Variants in SOX5 observed in about 807,000 individuals in gnomAD.
SOX5 encodes transcription factor SOX-5.
SOX5 carries 9 observed loss-of-function variants against 92.0 expected under a neutral mutation model. The observed-to-expected ratio is 0.10, with a 90% CI of 0.06 to 0.17. The LOEUF is 0.17. SOX5 is among the 10% of genes least tolerant of loss of function. The pLI, the probability that SOX5 is intolerant of heterozygous loss-of-function variation, is 1.00. For missense variants in SOX5, 642 were observed against 944.5 expected (o/e 0.68, Z 4.20); for synonymous variants, 344 against 336.3 (o/e 1.02, Z -0.25).
intron 4 of SOX5, among the ~76,000 whole-genome samples, chr12:23,963,558 TTAACAACC>T (rs1257292566): frequency 1.3e-5 from 2 of 152,232 alleles, no homozygotes; most frequent in South Asian, 2.1e-4. Context: ...GCAGGTTAAT[TTAACAACC>T]TGACTTTAGA....
intron 4 of SOX5, among the ~76,000 whole-genome samples, chr12:24,144,935 A>C (rs1005450062): frequency 2.0e-5 from 3 of 152,092 alleles, no homozygotes; most frequent in African/African-American, 7.2e-5. Flanking sequence ...CTACAAAAAA[A>C]CTACAAAAAA....
At chr12:24,333,448 C>T (rs796994595) in intron 2 of SOX5, among the ~76,000 whole-genome samples, 6 of 152,034 alleles carry the variant, frequency 3.9e-5, no homozygotes, top group East Asian at 1.9e-4. Flanking sequence ...ATAAACTTAA[C>T]GGGATCTTAA....
chr12:24,384,340 G>A (rs1384551038), intron 1 of SOX5, among the ~76,000 whole-genome samples: 2 of 152,300 alleles, frequency 1.3e-5, no homozygotes, highest in Admixed American at 1.3e-4. Context: ...CTCACCTGCT[G>A]CTCGCCTCCT....
chr12:24,271,595 G>A (rs115505650), intron 3 of SOX5, among the ~76,000 whole-genome samples: 54 of 152,266 alleles, frequency 3.5e-4, no homozygotes, highest in African/African-American at 1.2e-3. Context: ...CTTAGAGTCT[G>A]TCAATATTGT....
At position 23,969,223 on chromosome 12, in the gene SOX5, C is replaced by T. The variant is rs534346827; in HGVS notation, c.-1-73199G>A. On this transcript the variant is annotated intron_variant, in intron 4 of 4. Transcript: ENST00000446891. ...ATCTCGAATCATGTAATTGTCTCTA[C>T]TGTCATTGTCACTGTAAAAGTCCAA... Among the ~76,000 whole-genome samples, 9 of 152,286 alleles carry T rather than the reference C, an allele frequency of 5.9e-5. No homozygotes were observed. The South Asian group carries it at 1.7e-3, about 28-fold the overall frequency.
At chr12:24,349,457 AC>A (rs1953782943) in intron 2 of SOX5, among the ~76,000 whole-genome samples, 1 of 152,160 alleles carries the variant, frequency 6.6e-6, no homozygotes, top group Admixed American at 6.5e-5. Flanking sequence ...CCCCCTGGCA[AC>A]CACCATTCTG....
At chr12:24,292,112 T>C (rs1053810887) in intron 2 of SOX5, among the ~76,000 whole-genome samples, 2 of 152,174 alleles carry the variant, frequency 1.3e-5, no homozygotes, top group Non-Finnish European at 2.9e-5. Context: ...GAAGAAAACA[T>C]GCTAACAGTG....
At chr12:24,320,875 AATAATAATAAT>A (rs1565899554) in intron 2 of SOX5, among the ~76,000 whole-genome samples, 2 of 75,100 alleles carry the variant, frequency 2.7e-5, no homozygotes, top group Non-Finnish European at 6.6e-5. Context: ...AAAAAAAAAT[AATAATAATAAT>A]AATAATAATA....
chr12:23,959,205 A>G (rs2139985902), intron 4 of SOX5, among the ~76,000 whole-genome samples: 2 of 152,060 alleles, frequency 1.3e-5, no homozygotes, highest in South Asian at 4.1e-4. Context: ...GAATAATCAG[A>G]CAAATTTTGC....
At chr12:24,547,573 T>G (rs559192026) in intron 1 of SOX5, among the ~76,000 whole-genome samples, 9 of 152,094 alleles carry the variant, frequency 5.9e-5, no homozygotes, top group East Asian at 5.8e-4. Context: ...AGAAATGGAG[T>G]GGGTATAGTT....
intron 4 of SOX5, among the ~76,000 whole-genome samples, chr12:23,743,580 G>A (rs2093878692): frequency 6.6e-6 from 1 of 152,056 alleles, no homozygotes; most frequent in Admixed American, 6.6e-5. Context: ...AAAGTGCTAG[G>A]ATTCATATTT....
chr12:23,591,269 A>G (rs1951506452), intron 9 of SOX5, among the ~76,000 whole-genome samples: 1 of 152,088 alleles, frequency 6.6e-6, no homozygotes, highest in Non-Finnish European at 1.5e-5. Context: ...GATATTACAA[A>G]CTATGATAAC....
intron 3 of SOX5, among the ~76,000 whole-genome samples, chr12:23,793,201 T>C (rs1055509074): frequency 2.0e-5 from 3 of 152,190 alleles, no homozygotes; most frequent in Non-Finnish European, 4.4e-5. Context: ...GAATTCTTGA[T>C]AAAATATATG....
chr12:23,941,522 T>C (rs1595803886), intron 1 of SOX5, among the ~76,000 whole-genome samples: 1 of 150,280 alleles, frequency 6.7e-6, no homozygotes, highest in African/African-American at 2.5e-5. Flanking sequence ...ATTGTAGTTA[T>C]ATTTAGGACT....
At chr12:23,766,984 C>T (rs1336105866) in intron 3 of SOX5, among the ~76,000 whole-genome samples, 1 of 152,042 alleles carries the variant, frequency 6.6e-6, no homozygotes, top group Admixed American at 6.6e-5. Flanking sequence ...GAAGCCAAGG[C>T]GAGAGACTCT....
intron 9 of SOX5, among the ~76,000 whole-genome samples, chr12:23,581,893 A>AAAAT (rs1052319835): frequency 1.3e-4 from 20 of 149,800 alleles, no homozygotes; most frequent in Non-Finnish European, 1.5e-4. Context: ...TGATTGAAAA[A>AAAAT]ATATATATAT....
chr12:23,540,317 GTAAC>G (rs1263190426), intron 13 of SOX5, among the ~76,000 whole-genome samples: 4 of 150,432 alleles, frequency 2.7e-5, no homozygotes, highest in Non-Finnish European at 5.9e-5. Context: ...GTATACATAT[GTAAC>G]TAACCTGCAC....
intron 4 of SOX5, among the ~76,000 whole-genome samples, chr12:24,015,896 T>C (rs1026073512): frequency 2.7e-5 from 4 of 145,668 alleles, no homozygotes; most frequent in Non-Finnish European, 6.0e-5. Flanking sequence ...TTGTGTGACA[T>C]CAAAGACTAC....
At chr12:24,513,191 T>C (rs773994234) in intron 1 of SOX5, among the ~76,000 whole-genome samples, 24 of 152,194 alleles carry the variant, frequency 1.6e-4, no homozygotes, top group Non-Finnish European at 2.4e-4. Context: ...GTAAGTGTTC[T>C]GAGCAGGATT....
Sources: allele counts gnomAD v4.1 joint callset (sites outside exome capture counted in the v4.1 genomes callset), GRCh38; gene constraint gnomAD v4.1.1; transcripts MANE v1.5; gene names NCBI Gene and HGNC (gene_info 2026-07-23, HGNC 2026-07-21).